The following SMARCA2 variants were observed in gnomAD, a reference collection of about 807,000 sequenced individuals.
SMARCA2 encodes the protein SWI/SNF-related matrix-associated actin-dependent regulator of chromatin subfamily A member 2.
SMARCA2 carries 61 observed loss-of-function variants against 199.8 expected under a neutral mutation model. That is an observed-to-expected ratio of 0.31 (90% CI 0.25 to 0.38). The LOEUF is 0.38. Among genes scored for constraint, SMARCA2 ranks in the 10% least tolerant of loss-of-function variants. SMARCA2 has a pLI of 1.00. For synonymous variants in SMARCA2, 935 were observed against 732.0 expected, an observed-to-expected ratio of 1.28 and a Z score of -4.48; for missense variants, 1,344 against 2,012.2, an observed-to-expected ratio of 0.67 and a Z score of 6.35.
At chr9:2,106,735 T>C (rs1822771266) in intron 23 of SMARCA2, among the ~76,000 whole-genome samples, 2 of 152,364 alleles carry the variant, frequency 1.3e-5, no homozygotes, top group Admixed American at 1.3e-4. Context: ...AGATTATGGT[T>C]GCATGAATAG....
intron 27 of SMARCA2, among the ~76,000 whole-genome samples, chr9:2,152,229 T>G (rs1825114528): frequency 6.6e-6 from 1 of 152,154 alleles, no homozygotes; most frequent in African/African-American, 2.4e-5. Context: ...ATGAGATAGA[T>G]CTTTTGGAAG....
Position 2,086,137 on chromosome 9 carries a change from C to T in SMARCA2, c.2527-692C>T, listed in dbSNP as rs910196804. ...GTATATTCTTTTATTTTAGATAAAACAGGGGTCCTAGATCTGGCAGGTAAG... is the reference window on the plus strand; with the variant it reads ...GTATATTCTTTTATTTTAGATAAAATAGGGGTCCTAGATCTGGCAGGTAAG... On this transcript the variant is annotated intron_variant, in intron 17 of 33. Transcript: ENST00000349721. This position sits in a 1 kb window ranked among gnomAD's most constrained non-coding sequence, Gnocchi z 4.3. 2 of 152,236 alleles carry T rather than the reference C, an allele frequency of 1.3e-5. No individual in the cohort carries two copies. The highest frequency in any genetic ancestry group is 4.8e-5 in the African/African-American group (2 of 41,428). 9.4% of individuals were successfully genotyped at this position (152,236 alleles called of 1,614,324 possible).
chr9:2,161,776 AAAG>A lies in SMARCA2; in HGVS notation c.4077_4079del (p.Glu1359del), dbSNP rs749210211. The A allele has an allele frequency of 6.8e-6, 11 of 1,614,110 alleles. No individual in the cohort carries two copies. The highest frequency in any genetic ancestry group is 9.3e-6 in the Non-Finnish European group (11 of 1,179,982). ...AAGAAATGTGGATAAAGATCCTGCA[AAAG>A]AAGATGTGGAAAAAGCTAAGAAGAG... On this transcript the variant is annotated inframe_deletion, in exon 28 of 34. Transcript: ENST00000349721. The surrounding 1 kb of genome is among the most constrained non-coding windows in gnomAD (Gnocchi z 4.7).
At chr9:2,088,426 T>C (rs775322974) in intron 18 of SMARCA2, 74 bp from the exon 19 acceptor site, 931 of 1,492,814 alleles carry the variant, frequency 6.2e-4, no homozygotes, top group Non-Finnish European at 7.3e-4. Flanking sequence ...ACCACACATA[T>C]GTAACATAAA....
intron 27 of SMARCA2, among the ~76,000 whole-genome samples, chr9:2,149,333 C>G (rs1018879590): frequency 8.4e-5 from 9 of 107,286 alleles, no homozygotes; most frequent in African/African-American, 2.1e-4. Context: ...GCCTGGCCAG[C>G]ATGGTGAAAC....
intron 3 of SMARCA2, among the ~76,000 whole-genome samples, chr9:2,035,631 A>G (rs188272133): frequency 7.7e-4 from 118 of 152,298 alleles, no homozygotes; most frequent in African/African-American, 2.8e-3. Flanking sequence ...GGCTAGATAG[A>G]TATTAGTAAA....
intron 10 of SMARCA2, among the ~76,000 whole-genome samples, chr9:2,072,408 T>A (rs1289409803): frequency 6.6e-6 from 1 of 152,234 alleles, no homozygotes; most frequent in Non-Finnish European, 1.5e-5. Flanking sequence ...AGTCTAGTAA[T>A]GAACTTTAGC....
At chr9:2,145,122 A>G (rs1444422751) in intron 27 of SMARCA2, among the ~76,000 whole-genome samples, 1 of 152,144 alleles carries the variant, frequency 6.6e-6, no homozygotes, top group Non-Finnish European at 1.5e-5. Flanking sequence ...CAAAATGGTG[A>G]AACCCATCTC....
rs574274781 is a variant in SMARCA2, at chr9:2,035,432, G to C, written c.355+2351G>C. On this transcript the variant is annotated intron_variant, in intron 3 of 33. Coordinates refer to ENST00000349721, the MANE Select transcript of SMARCA2 (RefSeq NM_003070.5). ...GGTGCTTACTTTTTCTGCTCCTGTT[G>C]TTGCAGTAGCTCTAATAGTGGAGTC... 3.9e-5 allele frequency among the ~76,000 whole-genome samples: 6 copies of C among 152,304 alleles called. No homozygotes were observed. In the East Asian group the frequency reaches 9.6e-4, roughly 24 times the overall value.
rs1826205806 is a variant in SMARCA2 at position 2,170,776 on chromosome 9, C to G, written c.4253+304C>G. Among the ~76,000 whole-genome samples the G allele has an allele frequency of 1.3e-5, 2 of 152,186 alleles. No homozygotes were observed. The highest frequency in any genetic ancestry group is 2.1e-4 in the South Asian group (1 of 4,820). On this transcript the variant is annotated intron_variant, in intron 29 of 33. Transcript: ENST00000349721. The surrounding 1 kb of genome is among the most constrained non-coding windows in gnomAD (Gnocchi z 4.7). ...TCTTGGAGATGGGTTTCTGTTGCTTCCCCCTCCCTTCCAGCGCAGCTTCTG... is the reference window on the plus strand; with the variant it reads ...TCTTGGAGATGGGTTTCTGTTGCTTGCCCCTCCCTTCCAGCGCAGCTTCTG...
Position 2,148,644 on chromosome 9 carries a change from A to G in SMARCA2, c.3982-13042A>G, listed in dbSNP as rs561640289. ...GGAGATGTTTTCTTTCTTTTTTCTG[A>G]GACACACGCACATGCCACCACACCC... On this transcript the variant is annotated intron_variant, in intron 27 of 33. Coordinates refer to ENST00000349721, the MANE Select transcript of SMARCA2 (RefSeq NM_003070.5). 1.1e-4 allele frequency among the ~76,000 whole-genome samples: 16 copies of G among 151,128 alleles called. No individual in the cohort carries two copies. The South Asian group carries it at 1.5e-3, about 14-fold the overall frequency.
In SMARCA2 at chr9:2,046,359, T is replaced by G. The variant is rs73379457; in HGVS notation, c.791-870T>G. 8.6e-3 allele frequency among the ~76,000 whole-genome samples: 1,317 copies of G among 152,336 alleles called. 16 individuals carry two copies. The highest frequency in any genetic ancestry group is 0.029 in the African/African-American group (1,221 of 41,564). ...TTAATCAATGCACTTTGACAAGCTT[T>G]CAGATTACATATTGTTTTATTCTGG... On this transcript the variant is annotated intron_variant, in intron 4 of 33. Coordinates refer to ENST00000349721, the MANE Select transcript of SMARCA2 (RefSeq NM_003070.5).
rs753003270 is a variant in SMARCA2 at position 2,123,107 on chromosome 9, A to G, written c.3763-612A>G. On this transcript the variant is annotated intron_variant, in intron 26 of 33. Transcript: ENST00000349721. The surrounding 1 kb of genome is among the most constrained non-coding windows in gnomAD (Gnocchi z 4.1). ...AAGCTTAAAATGTAAAGAATTGAAG[A>G]GCATTCCTCAGACAGTGCCCATGAG... Among the ~76,000 whole-genome samples, 3 of 152,228 alleles carry G rather than the reference A, an allele frequency of 2.0e-5. No homozygotes were observed. The highest frequency in any genetic ancestry group is 4.4e-5 in the Non-Finnish European group (3 of 68,038).
rs114835998 is a variant in SMARCA2 at position 2,028,908 on chromosome 9, C to G, written c.-36-79C>G. The G allele has an allele frequency of 2.7e-3, 3,345 of 1,217,046 alleles. 94 individuals carry two copies. The African/African-American group carries it at 0.047, about 17-fold the overall frequency. The allele number at this position is 1,217,046 out of a possible 1,614,324, so 75.4% of individuals were successfully genotyped here. On this transcript the variant is annotated intron_variant, in intron 1 of 33. Transcript: ENST00000349721. ...ATGTTTGTTACAGAAATGGCACCATCAAATGCTAACAATTGTTTTATTCTG... is the reference window on the plus strand; with the variant it reads ...ATGTTTGTTACAGAAATGGCACCATGAAATGCTAACAATTGTTTTATTCTG...
intron 28 of SMARCA2, among the ~76,000 whole-genome samples, chr9:2,164,860 C>T (rs1825862459): frequency 6.6e-6 from 1 of 152,194 alleles, no homozygotes; most frequent in East Asian, 1.9e-4. Context: ...CATTTAGATG[C>T]TTTCTGGGGA....
At chr9:2,087,715 C>T (rs913011009) in intron 18 of SMARCA2, among the ~76,000 whole-genome samples, 4 of 152,050 alleles carry the variant, frequency 2.6e-5, no homozygotes, top group Non-Finnish European at 5.9e-5. Flanking sequence ...GAAATGGGCA[C>T]GTGTCATTTT....
rs1282955099 is a variant in SMARCA2, at chr9:2,170,882, T to A, written c.4253+410T>A. Among the ~76,000 whole-genome samples, 1 of 152,204 alleles carries A rather than the reference T, an allele frequency of 6.6e-6. No homozygotes were observed. Among genetic ancestry groups the A allele is most frequent in the African/African-American group, 2.4e-5 (1 of 41,460 alleles). ...GCGAAGCACCTGTAGTGACTTGATC[T>A]CCTGCGAGACATGAAGAAGCGTGCA... On this transcript the variant is annotated intron_variant, in intron 29 of 33. Coordinates refer to ENST00000349721, the MANE Select transcript of SMARCA2 (RefSeq NM_003070.5). The surrounding 1 kb of genome is among the most constrained non-coding windows in gnomAD (Gnocchi z 4.7).
intron 1 of SMARCA2, among the ~76,000 whole-genome samples, chr9:2,022,670 T>A (rs182276957): frequency 6.6e-6 from 1 of 152,352 alleles, no homozygotes; most frequent in East Asian, 1.9e-4. Context: ...TTTTTATATG[T>A]TTAAAGTATA....
intron 27 of SMARCA2, among the ~76,000 whole-genome samples, chr9:2,157,251 G>A (rs1332052005): frequency 6.6e-6 from 1 of 152,160 alleles, no homozygotes; most frequent in Non-Finnish European, 1.5e-5. Context: ...GATCATTACT[G>A]TATTATTGGC....
Sources: allele counts gnomAD v4.1 joint callset (sites outside exome capture counted in the v4.1 genomes callset), GRCh38; gene constraint gnomAD v4.1.1; non-coding constraint Gnocchi (gnomAD v3.1); transcripts MANE v1.5; gene names NCBI Gene and HGNC (gene_info 2026-07-23, HGNC 2026-07-21).